LRRTM4: variants seen among roughly 807,000 people sequenced by gnomAD.
The protein encoded by LRRTM4 is leucine-rich repeat transmembrane neuronal protein 4.
Under a neutral mutation model 47.6 loss-of-function variants are expected in LRRTM4, and 25 were observed. That is an observed-to-expected ratio of 0.53 (90% confidence interval 0.38 to 0.73). The LOEUF (loss-of-function observed/expected upper bound fraction) is 0.73, where lower values mean the gene tolerates loss of function less well. LRRTM4 is among the 30% of genes least tolerant of loss of function. LRRTM4 has a pLI of 0.00. For synonymous variants in LRRTM4, 311 were observed against 269.5 expected (o/e 1.15, Z -1.51); for missense variants, 638 against 713.4 (o/e 0.89, Z 1.20).
intron 3 of LRRTM4, among the ~76,000 whole-genome samples, chr2:77,020,061 A>G (rs191901222): frequency 6.6e-6 from 1 of 152,278 alleles, no homozygotes; most frequent in East Asian, 1.9e-4. Flanking sequence ...TGAACTTATG[A>G]ATCTAAGGAT....
intron 3 of LRRTM4, among the ~76,000 whole-genome samples, chr2:77,069,597 T>G (rs1397155967): frequency 6.6e-6 from 1 of 152,216 alleles, no homozygotes; most frequent in Admixed American, 6.5e-5. Context: ...GTCCTATTAC[T>G]TCGTGGGGGT....
intron 3 of LRRTM4, among the ~76,000 whole-genome samples, chr2:76,959,494 T>TG (rs200323380): frequency 1.1e-5 from 1 of 91,928 alleles, no homozygotes; most frequent in Non-Finnish European, 1.9e-5. Context: ...TATCCACCTT[T>TG]AAAAATGGGG....
Position 77,518,940 on chromosome 2 carries a change from C to G in LRRTM4, c.929G>C (p.Gly310Ala). The G allele has an allele frequency of 6.2e-7, 1 of 1,610,766 alleles. No individual in the cohort carries two copies. The highest frequency in any genetic ancestry group is 8.5e-7 in the Non-Finnish European group (1 of 1,178,348). Residue 310 changes from glycine to alanine, a missense_variant, in exon 3 of 4, where the codon GGA becomes GCA. Physicochemically the swap from Gly to Ala is moderately conservative, Grantham distance 60. Coordinates refer to ENST00000409884, the MANE Select transcript of LRRTM4 (RefSeq NM_001134745.3). Reference protein sequence around the residue: ...WISLISITLSGNMWECSRSIC... With the variant: ...WISLISITLSANMWECSRSIC... The stretch of plus-strand genomic sequence containing the variant: ...GCTCCGACTGCATTCCCACATATTT[C>G]CAGACAATGTGATGGATATTAATGA...
At chr2:77,041,042 C>T (rs929201028) in intron 3 of LRRTM4, among the ~76,000 whole-genome samples, 1 of 151,128 alleles carries the variant, frequency 6.6e-6, no homozygotes, top group Non-Finnish European at 1.5e-5. Flanking sequence ...CTAACTGTAC[C>T]TTTGTACTCA....
At chr2:77,070,441 A>T (rs1439624415) in intron 3 of LRRTM4, among the ~76,000 whole-genome samples, 1 of 152,148 alleles carries the variant, frequency 6.6e-6, no homozygotes, top group African/African-American at 2.4e-5. Context: ...AACATAAATG[A>T]CCAAACTACA....
At chr2:77,066,176 CTTA>C (rs1679945659) in intron 3 of LRRTM4, among the ~76,000 whole-genome samples, 1 of 152,076 alleles carries the variant, frequency 6.6e-6, no homozygotes, top group Non-Finnish European at 1.5e-5. Context: ...AGTTAGATTG[CTTA>C]TTATAAATTC....
Position 77,434,472 on chromosome 2 carries a change from G to T in LRRTM4, c.1551+83846C>A, listed in dbSNP as rs1675512685. Among the ~76,000 whole-genome samples, 3 of 151,414 alleles carry T rather than the reference G, an allele frequency of 2.0e-5. No individual in the cohort carries two copies. In the South Asian group the frequency reaches 6.3e-4, roughly 32 times the overall value. ...TAAAAAAAAAAAAAACTAATGGATT[G>T]AGTTTATTAACAAATGGCTAATTTT... is the stretch of plus-strand genomic sequence containing the variant. On this transcript the variant is annotated intron_variant, in intron 3 of 3. Transcript: ENST00000409884.
chr2:76,940,429 T>C (rs1042350695), intron 3 of LRRTM4, among the ~76,000 whole-genome samples: 41 of 152,096 alleles, frequency 2.7e-4, no homozygotes, highest in African/African-American at 9.9e-4. Flanking sequence ...AAGTGGGTGC[T>C]AAATGATAAG....
chr2:77,521,405 A>T (rs951389346), intron 2 of LRRTM4, among the ~76,000 whole-genome samples: 6 of 152,088 alleles, frequency 3.9e-5, no homozygotes, highest in African/African-American at 1.4e-4. Flanking sequence ...AGCTGTGGAT[A>T]CGCAGACAGT....
At chr2:77,216,284 G>C (rs1674437379) in intron 3 of LRRTM4, among the ~76,000 whole-genome samples, 1 of 152,180 alleles carries the variant, frequency 6.6e-6, no homozygotes, top group Non-Finnish European at 1.5e-5. Context: ...TAAAATAAAT[G>C]AGTGTTCATA....
At chr2:77,294,274 T>G (rs1676909541) in intron 3 of LRRTM4, among the ~76,000 whole-genome samples, 1 of 146,790 alleles carries the variant, frequency 6.8e-6, no homozygotes, top group African/African-American at 2.7e-5. Context: ...AGGAGGAAAA[T>G]GACTCTGGAA....
intron 3 of LRRTM4, among the ~76,000 whole-genome samples, chr2:77,300,588 A>G (rs966545403): frequency 6.6e-6 from 1 of 152,190 alleles, no homozygotes; most frequent in Non-Finnish European, 1.5e-5. Context: ...CACCTAGCAC[A>G]TAGGACACCC....
intron 3 of LRRTM4, among the ~76,000 whole-genome samples, chr2:76,938,040 C>A (rs1247114869): frequency 6.6e-6 from 1 of 151,798 alleles, no homozygotes; most frequent in African/African-American, 2.4e-5. Flanking sequence ...TTTCCTTCCC[C>A]AGTATTTTAA....
intron 3 of LRRTM4, among the ~76,000 whole-genome samples, chr2:76,956,664 A>AT (rs546956513): frequency 1.9e-3 from 285 of 151,260 alleles, no homozygotes; most frequent in Non-Finnish European, 3.4e-3. Context: ...AATTAAGGAG[A>AT]TTTTTTGAAA....
At chr2:77,099,770 T>C (rs1230941760) in intron 3 of LRRTM4, among the ~76,000 whole-genome samples, 4 of 152,120 alleles carry the variant, frequency 2.6e-5, no homozygotes, top group Non-Finnish European at 5.9e-5. Flanking sequence ...GATTACTAAC[T>C]GGAAGCTATG....
At chr2:77,224,285 A>T (rs533106101) in intron 3 of LRRTM4, among the ~76,000 whole-genome samples, 1 of 152,272 alleles carries the variant, frequency 6.6e-6, no homozygotes, top group African/African-American at 2.4e-5. Flanking sequence ...AATACCATTC[A>T]GGACATAGGC....
chr2:76,782,946 G>C (rs1460592762), intron 3 of LRRTM4, among the ~76,000 whole-genome samples: 1 of 152,040 alleles, frequency 6.6e-6, no homozygotes, highest in African/African-American at 2.4e-5. Flanking sequence ...AATTGTTGAA[G>C]CTTTTATTCA....
chr2:76,986,910 T>C (rs1291412703), intron 3 of LRRTM4, among the ~76,000 whole-genome samples: 2 of 151,938 alleles, frequency 1.3e-5, no homozygotes, highest in African/African-American at 4.8e-5. Context: ...TCAATTTGCA[T>C]GGTAACTGAT....
At chr2:77,067,709 AC>A (rs1680005647) in intron 3 of LRRTM4, among the ~76,000 whole-genome samples, 1 of 151,620 alleles carries the variant, frequency 6.6e-6, no homozygotes, top group Non-Finnish European at 1.5e-5. Context: ...ACACACACAC[AC>A]ACACACATAC....
Sources: gnomAD v4.1 joint callset for allele counts (sites outside exome capture counted in the v4.1 genomes callset) on GRCh38, gnomAD v4.1.1 for gene constraint, MANE v1.5 for transcripts, NCBI Gene and HGNC (gene_info 2026-07-23, HGNC 2026-07-21) for gene names.